Variants in ENOX1 observed in about 807,000 individuals in gnomAD.
The protein encoded by ENOX1 is candidate growth-related and time keeping constitutive hydroquinone (NADH) oxidase.
Under a neutral mutation model 82.5 loss-of-function variants are expected in ENOX1, and 42 were observed. The observed-to-expected ratio is 0.51, with a 90% CI of 0.40 to 0.66. The LOEUF (loss-of-function observed/expected upper bound fraction) is 0.66, where lower values mean the gene tolerates loss of function less well. ENOX1 is among the 30% of genes least tolerant of loss of function. ENOX1 has a pLI of 0.00. For missense variants in ENOX1, 608 were observed against 811.6 expected (o/e 0.75, Z 3.05); for synonymous variants, 271 against 282.2 (o/e 0.96, Z 0.40).
intron 2 of ENOX1, among the ~76,000 whole-genome samples, chr13:43,612,035 CT>C (rs2153738581): frequency 6.6e-6 from 1 of 152,294 alleles, no homozygotes; most frequent in East Asian, 1.9e-4. Flanking sequence ...CAACAGGCAT[CT>C]TCACATATGA....
At chr13:43,389,132 T>A (rs1162512335) in intron 5 of ENOX1, among the ~76,000 whole-genome samples, 1 of 152,214 alleles carries the variant, frequency 6.6e-6, no homozygotes, top group Non-Finnish European at 1.5e-5. Context: ...TTGATAAGCA[T>A]ATAACTAGAA....
At chr13:43,479,504 T>C (rs941293336) in intron 3 of ENOX1, among the ~76,000 whole-genome samples, 23 of 152,194 alleles carry the variant, frequency 1.5e-4, no homozygotes, top group African/African-American at 5.3e-4. Context: ...CTCTCTGCCA[T>C]TTTCCTGTAC....
At chr13:43,335,565 CAG>C (rs1432674947) in intron 9 of ENOX1, among the ~76,000 whole-genome samples, 2 of 152,056 alleles carry the variant, frequency 1.3e-5, no homozygotes, top group African/African-American at 4.8e-5. Context: ...ATCAAAGTGA[CAG>C]AGTTTTCATC....
At chr13:43,660,539 C>T (rs141811154) in intron 2 of ENOX1, among the ~76,000 whole-genome samples, 2 of 152,300 alleles carry the variant, frequency 1.3e-5, no homozygotes, top group African/African-American at 4.8e-5. Context: ...TTAATAATCG[C>T]ATGCTCTTAT....
intron 3 of ENOX1, among the ~76,000 whole-genome samples, chr13:43,446,458 T>A (rs2153627561): frequency 6.6e-6 from 1 of 152,184 alleles, no homozygotes; most frequent in East Asian, 1.9e-4. Flanking sequence ...TTCTTAAACC[T>A]GAGTTTCTTG....
At chr13:43,268,369 T>C (rs1433487242) in intron 13 of ENOX1, among the ~76,000 whole-genome samples, 1 of 152,220 alleles carries the variant, frequency 6.6e-6, no homozygotes, top group Non-Finnish European at 1.5e-5. Flanking sequence ...CATTTCAATC[T>C]ACTATATCTG....
chr13:43,725,887 A>G (rs923165780), intron 1 of ENOX1, among the ~76,000 whole-genome samples: 4 of 151,590 alleles, frequency 2.6e-5, no homozygotes, highest in African/African-American at 9.7e-5. Context: ...GGGTTGCTTG[A>G]GCCCAGGAGG....
At chr13:43,661,154 CA>C (rs1320445469) in intron 2 of ENOX1, among the ~76,000 whole-genome samples, 4 of 152,306 alleles carry the variant, frequency 2.6e-5, no homozygotes, top group African/African-American at 9.6e-5. Context: ...TGTGCCCCTG[CA>C]ACTCTCAAGT....
At chr13:43,282,336 T>C (rs935228081) in intron 12 of ENOX1, among the ~76,000 whole-genome samples, 2 of 152,164 alleles carry the variant, frequency 1.3e-5, no homozygotes, top group South Asian at 2.1e-4. Flanking sequence ...ATTTTAACTT[T>C]TAACTGTCCT....
intron 9 of ENOX1, among the ~76,000 whole-genome samples, chr13:43,326,977 C>T (rs1376819910): frequency 6.6e-6 from 1 of 152,196 alleles, no homozygotes; most frequent in Non-Finnish European, 1.5e-5. Flanking sequence ...GTCTTTATCT[C>T]AAGGACTCAA....
chr13:43,292,549 C>T (rs980719944), intron 12 of ENOX1, among the ~76,000 whole-genome samples: 2 of 152,052 alleles, frequency 1.3e-5, no homozygotes, highest in Non-Finnish European at 2.9e-5. Flanking sequence ...TGGAGCACTA[C>T]CTTCTGAAGT....
chr13:43,271,698 T>C (rs2044694500), intron 12 of ENOX1, among the ~76,000 whole-genome samples: 1 of 151,904 alleles, frequency 6.6e-6, no homozygotes, highest in Non-Finnish European at 1.5e-5. Context: ...AGCATGTGTG[T>C]GCATATACAC....
Position 43,440,111 on chromosome 13 carries a change from G to A in ENOX1, c.-74-27123C>T, listed in dbSNP as rs181897913. On this transcript the variant is annotated intron_variant, in intron 3 of 16. Transcript: ENST00000690772. The stretch of plus-strand genomic sequence containing the variant: ...ATAAATATCTAAAAGGGTGAATTAG[G>A]CACAGAGGTGTAGCCTGAGAAATAG... Among the ~76,000 whole-genome samples, 11 of 152,248 alleles carry A rather than the reference G, an allele frequency of 7.2e-5. No individual in the cohort carries two copies. In the East Asian group the frequency reaches 1.9e-3, roughly 27 times the overall value.
intron 1 of ENOX1, among the ~76,000 whole-genome samples, chr13:43,762,650 AG>A (rs1951050013): frequency 6.6e-6 from 1 of 152,202 alleles, no homozygotes; most frequent in Admixed American, 6.5e-5. Flanking sequence ...ATCTGGGACA[AG>A]CACTCACTCG....
At chr13:43,742,934 G>C (rs1949823488) in intron 1 of ENOX1, among the ~76,000 whole-genome samples, 1 of 152,182 alleles carries the variant, frequency 6.6e-6, no homozygotes, top group Admixed American at 6.5e-5. Flanking sequence ...ACAGGGAATT[G>C]GGGGATAGGA....
chr13:43,695,176 G>T (rs530397390), intron 1 of ENOX1, among the ~76,000 whole-genome samples: 2 of 151,824 alleles, frequency 1.3e-5, no homozygotes, highest in East Asian at 3.9e-4. Flanking sequence ...TGTTCACAAA[G>T]ACACACCTGA....
intron 2 of ENOX1, among the ~76,000 whole-genome samples, chr13:43,489,130 T>A (rs1421494407): frequency 6.6e-6 from 1 of 152,164 alleles, no homozygotes; most frequent in Admixed American, 6.5e-5. Context: ...CCATTGACAA[T>A]GCACCAATGG....
chr13:43,433,609 T>C (rs1050487030), intron 3 of ENOX1, among the ~76,000 whole-genome samples: 6 of 152,216 alleles, frequency 3.9e-5, no homozygotes, highest in African/African-American at 1.4e-4. Flanking sequence ...ATAAATCCTA[T>C]CCATAATTTC....
intron 5 of ENOX1, among the ~76,000 whole-genome samples, chr13:43,368,969 G>A (rs1414366201): frequency 1.3e-5 from 2 of 152,112 alleles, no homozygotes; most frequent in Non-Finnish European, 2.9e-5. Context: ...TGTCTCTCCA[G>A]CATGCCTTCC....
Sources: allele counts gnomAD v4.1 joint callset (sites outside exome capture counted in the v4.1 genomes callset), GRCh38; gene constraint gnomAD v4.1.1; transcripts MANE v1.5; gene names NCBI Gene and HGNC (gene_info 2026-07-23, HGNC 2026-07-21).